NRCAM: variants seen among roughly 807,000 people sequenced by gnomAD.
NRCAM encodes the protein NgCAM-related cell adhesion molecule.
A neutral mutation model predicts 156.5 loss-of-function variants in NRCAM; 83 were observed. The observed-to-expected ratio is 0.53, with a 90% CI of 0.44 to 0.64. The LOEUF is 0.64. Ranked by LOEUF, NRCAM falls within the 30% of genes least tolerant of loss-of-function variation. NRCAM has a pLI of 0.00. For missense variants in NRCAM, 1,417 were observed against 1,597.3 expected (o/e 0.89, Z 1.92); for synonymous variants, 538 against 563.9 (o/e 0.95, Z 0.65).
chr7:108,419,180 C>G (rs1465820113), intron 1 of NRCAM, among the ~76,000 whole-genome samples: 1 of 152,134 alleles, frequency 6.6e-6, no homozygotes, highest in Non-Finnish European at 1.5e-5. Flanking sequence ...TAGAAGATAA[C>G]GTTAGTCATT....
chr7:108,405,809 T>C (rs1298457918), intron 1 of NRCAM, among the ~76,000 whole-genome samples: 1 of 152,154 alleles, frequency 6.6e-6, no homozygotes, highest in East Asian at 1.9e-4. Context: ...ACAAACCTTT[T>C]CATATTTTTG....
chr7:108,372,819 A>G (rs1172967554), intron 2 of NRCAM, among the ~76,000 whole-genome samples: 1 of 152,150 alleles, frequency 6.6e-6, no homozygotes, highest in East Asian at 1.9e-4. Flanking sequence ...AAATAGAACT[A>G]CCATATGATC....
intron 20 of NRCAM, among the ~76,000 whole-genome samples, chr7:108,188,767 C>G (rs2068977228): frequency 2.4e-5 from 1 of 41,104 alleles, no homozygotes; most frequent in Non-Finnish European, 6.3e-5. Context: ...GGGAAAAGAG[C>G]ACCATTAAAC....
intron 2 of NRCAM, among the ~76,000 whole-genome samples, chr7:108,367,324 T>C (rs977972869): frequency 3.9e-5 from 6 of 152,176 alleles, no homozygotes; most frequent in Admixed American, 3.9e-4. Context: ...AATATATATA[T>C]AGTATTTTCA....
chr7:108,251,809 T>C (rs2096367301), intron 3 of NRCAM, among the ~76,000 whole-genome samples: 1 of 152,184 alleles, frequency 6.6e-6, no homozygotes, highest in Admixed American at 6.5e-5. Context: ...TTGCTGCACC[T>C]GTGTCCAGTG....
chr7:108,178,457 T>G, intron 25 of NRCAM: 1 of 374,742 alleles, frequency 2.7e-6, no homozygotes, highest in South Asian at 2.1e-5. Flanking sequence ...CAAGTGAAAC[T>G]ATTCTAACTG....
At chr7:108,427,786 T>C (rs979628197) in intron 1 of NRCAM, among the ~76,000 whole-genome samples, 3 of 152,206 alleles carry the variant, frequency 2.0e-5, no homozygotes, top group Non-Finnish European at 2.9e-5. Context: ...AGTGATTGTT[T>C]TAAAAGTAAA....
chr7:108,448,748 G>A (rs1038497450), intron 1 of NRCAM, among the ~76,000 whole-genome samples: 2 of 152,084 alleles, frequency 1.3e-5, no homozygotes, highest in African/African-American at 2.4e-5. Context: ...GAAAAACTTC[G>A]AGAGTAAATA....
At chr7:108,313,724 A>C (rs947178451) in intron 2 of NRCAM, among the ~76,000 whole-genome samples, 8 of 152,204 alleles carry the variant, frequency 5.3e-5, no homozygotes, top group African/African-American at 1.9e-4. Flanking sequence ...TATCAGGACA[A>C]AATATTAATA....
chr7:108,193,617 C>T (rs901485790), intron 17 of NRCAM, among the ~76,000 whole-genome samples: 5 of 152,120 alleles, frequency 3.3e-5, no homozygotes, highest in African/African-American at 4.8e-5. Context: ...CAAATAAAAA[C>T]GAGTGTCTTA....
chr7:108,158,317 C>T (rs888141677), intron 32 of NRCAM, among the ~76,000 whole-genome samples: 2 of 152,048 alleles, frequency 1.3e-5, no homozygotes, highest in Non-Finnish European at 2.9e-5. Flanking sequence ...AATATAAAAA[C>T]TTAGGGGCTG....
intron 1 of NRCAM, among the ~76,000 whole-genome samples, chr7:108,443,899 C>CAG (rs1841540519): frequency 1.3e-5 from 2 of 149,836 alleles, no homozygotes; most frequent in African/African-American, 4.9e-5. Flanking sequence ...TAGATACATA[C>CAG]ATACATACAT....
chr7:108,387,744 T>C (rs2099745661), intron 2 of NRCAM, among the ~76,000 whole-genome samples: 2 of 139,790 alleles, frequency 1.4e-5, no homozygotes, highest in South Asian at 2.6e-4. Context: ...GTGTGTGATG[T>C]TCCCCTTCCT....
chr7:108,383,250 T>G (rs556337012), intron 2 of NRCAM, among the ~76,000 whole-genome samples: 1 of 152,096 alleles, frequency 6.6e-6, no homozygotes, highest in African/African-American at 2.4e-5. Flanking sequence ...CATATTAAAG[T>G]GAGAATTGGG....
At chr7:108,221,075 A>T (rs533738261) in intron 11 of NRCAM, among the ~76,000 whole-genome samples, 1 of 152,328 alleles carries the variant, frequency 6.6e-6, no homozygotes, top group Admixed American at 6.5e-5. Flanking sequence ...AGATACACAA[A>T]TGGCCAACAA....
chr7:108,223,799 A>T lies in NRCAM; in HGVS notation c.816T>A (p.Thr272=). 6.2e-7 allele frequency: 1 copy of T among 1,610,818 alleles called. No homozygotes were observed. The highest frequency in any genetic ancestry group is 1.1e-5 in the South Asian group (1 of 90,956). The change falls in exon 11 of 33, where the codon ACT becomes ACA. Residue 272 remains threonine (T), a synonymous_variant. Transcript: ENST00000379028. The part of the protein sequence containing the change: ...SSRERPPTFL[T]PEGNASNKEE... ...CTTTGTTACTTGCATTGCCTTCTGG[A>T]GTTAAAAATGTTGGTGGCCTCTCTC... is the stretch of plus-strand genomic sequence containing the variant.
intron 2 of NRCAM, among the ~76,000 whole-genome samples, chr7:108,363,878 GTC>G (rs975847070): frequency 6.6e-6 from 1 of 152,014 alleles, no homozygotes; most frequent in African/African-American, 2.4e-5. Flanking sequence ...AACAAGGAAA[GTC>G]TGAGAAACTG....
Position 108,166,945 on chromosome 7 carries a change from C to G in NRCAM, c.3442G>C (p.Glu1148Gln). ...AVGDSGFVSS[E>Q]DVFETGPAMA... ...CCTGGGCCTGTCTCAAACACATCCT[C>G]TGAACTCACAAAACCAGAGTCCCCC... Residue 1148 changes from glutamate to glutamine, a missense_variant, in exon 30 of 33, where the codon GAG (glutamate) becomes CAG (glutamine). Physicochemically the swap from Glu to Gln is conservative, Grantham distance 29. Around this residue, in one of 2 missense-constraint regions of NRCAM, gnomAD observed 179 missense variants for 260.9 expected, o/e 0.69. Transcript: ENST00000379028. 1.2e-6 allele frequency: 2 copies of G among 1,613,898 alleles called. No individual in the cohort carries two copies. Among genetic ancestry groups the G allele is most frequent in the Non-Finnish European group, 1.7e-6 (2 of 1,179,862 alleles).
intron 3 of NRCAM, among the ~76,000 whole-genome samples, chr7:108,260,574 GAGA>G (rs936658711): frequency 3.3e-5 from 5 of 152,150 alleles, no homozygotes; most frequent in African/African-American, 4.8e-5. Flanking sequence ...TGGGGAAAGG[GAGA>G]AGAACTTACT....
Sources: allele counts gnomAD v4.1 joint callset (sites outside exome capture counted in the v4.1 genomes callset), GRCh38; gene constraint gnomAD v4.1.1; regional missense constraint gnomAD v4.1.1; transcripts MANE v1.5; gene names NCBI Gene and HGNC (gene_info 2026-07-23, HGNC 2026-07-21).